The following UGT1A7 variants were observed in gnomAD, a reference collection of about 807,000 sequenced individuals.
The protein encoded by UGT1A7 is UDP-glucuronosyltransferase 1A7.
UGT1A7 carries 33 observed loss-of-function variants against 45.6 expected under a neutral mutation model. The observed-to-expected ratio is 0.72, with a 90% CI of 0.55 to 0.97. UGT1A7 has a LOEUF of 0.97. Ranked by LOEUF, UGT1A7 falls within the 50% of genes least tolerant of loss-of-function variation. The pLI, the probability that UGT1A7 is intolerant of heterozygous loss-of-function variation, is 0.00. For synonymous variants in UGT1A7, 274 were observed against 250.6 expected (o/e 1.09, Z -0.88); for missense variants, 684 against 666.2 (o/e 1.03, Z -0.29).
chr2:233,708,846 T>C (rs1327705614), intron 1 of UGT1A7: 1 of 152,164 alleles, frequency 6.6e-6, no homozygotes, highest in East Asian at 1.9e-4. Context: ...GCAGGGCTTT[T>C]CTTTTTTAAT....
In UGT1A7 at chr2:233,755,690, C is replaced by T. The variant is rs58069490; in HGVS notation, c.856-11344C>T. 7.1e-3 allele frequency: 1,102 copies of T among 155,734 alleles called. 14 individuals carry two copies. Among genetic ancestry groups the T allele is most frequent in the African/African-American group, 0.021 (857 of 41,546 alleles). The allele number at this position is 155,734 out of a possible 1,614,324, so 9.6% of individuals were successfully genotyped here. The stretch of plus-strand genomic sequence containing the variant: ...GTGGTGGGAGTGAGTTTAGTCTGAC[C>T]GGGGCTGAAGACATCCTGTTGTTTA... On this transcript the variant is annotated intron_variant, in intron 1 of 4. Transcript: ENST00000373426.
rs923296681 is a variant in UGT1A7 at position 233,722,920 on chromosome 2, C to A, written c.855+40128C>A. 6.3e-5 allele frequency among the ~76,000 whole-genome samples: 8 copies of A among 127,544 alleles called. No individual in the cohort carries two copies. In the East Asian group the frequency reaches 2.1e-3, roughly 34 times the overall value. 83.7% of individuals were successfully genotyped at this position (127,544 alleles called of 152,430 possible). On this transcript the variant is annotated intron_variant, in intron 1 of 4. Coordinates refer to ENST00000373426, the MANE Select transcript of UGT1A7 (RefSeq NM_019077.3). The stretch of plus-strand genomic sequence containing the variant: ...AGTGGATCATCATAAAGGTCTTCAT[C>A]CTCATTGTCTCCATGCTGAGTGGGC...
At chr2:233,748,210 C>T in intron 1 of UGT1A7, 1 of 1,497,674 alleles carries the variant, frequency 6.7e-7, no homozygotes, top group Non-Finnish European at 9.0e-7. Flanking sequence ...TAATAGCCTT[C>T]AGTGAGATAA....
chr2:233,706,820 G>A (rs903944218), intron 1 of UGT1A7, among the ~76,000 whole-genome samples: 4 of 152,174 alleles, frequency 2.6e-5, no homozygotes, highest in African/African-American at 9.7e-5. Flanking sequence ...GCCAATCCCA[G>A]GGCAGGACTC....
At chr2:233,701,304 C>T (rs2075621938) in intron 1 of UGT1A7, among the ~76,000 whole-genome samples, 1 of 152,082 alleles carries the variant, frequency 6.6e-6, no homozygotes, top group African/African-American at 2.4e-5. Context: ...CACTGTCTTC[C>T]ACAATGGTTG....
rs1700541312 is a variant in UGT1A7 at position 233,772,678 on chromosome 2, A to T, written c.*119A>T. On this transcript the variant is annotated 3_prime_UTR_variant, in exon 5 of 5. Transcript: ENST00000373426. ...TTAAGGAAATACTTTGCATAAATTA[A>T]TCAGCCCCAGAGTGCTTTAAAAAAT... The T allele has an allele frequency of 6.5e-7, 1 of 1,531,784 alleles. No homozygotes were observed. The highest frequency in any genetic ancestry group is 1.4e-5 in the African/African-American group (1 of 72,498). 94.9% of individuals were successfully genotyped at this position (1,531,784 alleles called of 1,614,324 possible).
chr2:233,720,890 T>C (rs2076904150), intron 1 of UGT1A7, among the ~76,000 whole-genome samples: 1 of 149,554 alleles, frequency 6.7e-6, no homozygotes, highest in South Asian at 2.1e-4. Context: ...TTTTTTTTTT[T>C]AGTAGAGATG....
At chr2:233,707,758 G>A (rs2075985485) in intron 1 of UGT1A7, among the ~76,000 whole-genome samples, 1 of 152,172 alleles carries the variant, frequency 6.6e-6, no homozygotes, top group African/African-American at 2.4e-5. Flanking sequence ...TGAAACACAT[G>A]TGAGTGGGTT....
At chr2:233,760,834 G>A in intron 1 of UGT1A7, 1 of 1,613,564 alleles carries the variant, frequency 6.2e-7, no homozygotes, top group Non-Finnish European at 8.5e-7. Flanking sequence ...GGAATTTGAG[G>A]CTACCCAGTG....
chr2:233,737,160 G>A (rs1247160772), intron 1 of UGT1A7, among the ~76,000 whole-genome samples: 1 of 152,224 alleles, frequency 6.6e-6, no homozygotes, highest in Non-Finnish European at 1.5e-5. Flanking sequence ...CCTGCCCACA[G>A]AGGTGGAGTC....
rs944669670 is a variant in UGT1A7 at position 233,769,377 on chromosome 2, C to T, written c.1295+938C>T. Reference sequence around the variant, plus strand: ...GTGGTGGCCAGTGGTAGATTTCATCCGACAATAGATACTGTGTGCATATGT... The same window carrying T: ...GTGGTGGCCAGTGGTAGATTTCATCTGACAATAGATACTGTGTGCATATGT... On this transcript the variant is annotated intron_variant, in intron 4 of 4. Transcript: ENST00000373426. The surrounding 1 kb of genome is among the most constrained non-coding windows in gnomAD (Gnocchi z 4.4). 6.6e-5 allele frequency among the ~76,000 whole-genome samples: 10 copies of T among 152,088 alleles called. No individual in the cohort carries two copies. The highest frequency in any genetic ancestry group is 1.0e-4 in the Non-Finnish European group (7 of 68,014).
intron 1 of UGT1A7, among the ~76,000 whole-genome samples, chr2:233,690,289 G>A (rs1485479711): frequency 6.6e-6 from 1 of 152,136 alleles, no homozygotes; most frequent in Non-Finnish European, 1.5e-5. Flanking sequence ...AATCTTGCAG[G>A]TGGGTCCTGG....
chr2:233,688,966 C>T (rs1036860772), intron 1 of UGT1A7, among the ~76,000 whole-genome samples: 10 of 152,172 alleles, frequency 6.6e-5, no homozygotes, highest in Non-Finnish European at 1.3e-4. Flanking sequence ...GGAATCATAG[C>T]ATGTTCTTTC....
intron 1 of UGT1A7, chr2:233,718,981 G>C: frequency 1.9e-6 from 3 of 1,614,238 alleles, no homozygotes; most frequent in Non-Finnish European, 2.5e-6. Flanking sequence ...CTCCATGCCA[G>C]AGGCCACCAG....
intron 1 of UGT1A7, chr2:233,760,671 C>T: frequency 6.2e-7 from 1 of 1,614,146 alleles, no homozygotes; most frequent in Non-Finnish European, 8.5e-7. Context: ...CTGGCTGTTC[C>T]CACTTACTGC....
At chr2:233,718,838 G>A (rs529035115) in intron 1 of UGT1A7, 2 of 1,613,656 alleles carry the variant, frequency 1.2e-6, no homozygotes, top group East Asian at 2.2e-5. Flanking sequence ...GAGGACTCCA[G>A]GTTCCCCTGC....
chr2:233,711,237 C>G (rs1027973680), intron 1 of UGT1A7, among the ~76,000 whole-genome samples: 6 of 152,218 alleles, frequency 3.9e-5, no homozygotes, highest in Admixed American at 3.9e-4. Context: ...GAAGGCACCA[C>G]CATCTTCCAA....
chr2:233,757,312 G>T (rs1288195448), intron 1 of UGT1A7, among the ~76,000 whole-genome samples: 1 of 141,202 alleles, frequency 7.1e-6, no homozygotes, highest in Non-Finnish European at 1.5e-5. Flanking sequence ...GGACAGGGGG[G>T]CTGGGGCCCT....
intron 1 of UGT1A7, among the ~76,000 whole-genome samples, chr2:233,750,279 C>G (rs577374317): frequency 6.6e-6 from 1 of 152,046 alleles, no homozygotes; most frequent in East Asian, 1.9e-4. Flanking sequence ...AGCAAAGAGA[C>G]TGGTGGCATT....
Sources: allele counts gnomAD v4.1 joint callset (sites outside exome capture counted in the v4.1 genomes callset), GRCh38; gene constraint gnomAD v4.1.1; non-coding constraint Gnocchi (gnomAD v3.1); transcripts MANE v1.5; gene names NCBI Gene and HGNC (gene_info 2026-07-23, HGNC 2026-07-21).